Variants in GPC6 observed in about 807,000 individuals in gnomAD.
The protein encoded by GPC6 is glypican 6.
A neutral mutation model predicts 55.2 loss-of-function variants in GPC6; 14 were observed. That is an observed-to-expected ratio of 0.25 (90% CI 0.17 to 0.40). The LOEUF (loss-of-function observed/expected upper bound fraction) is 0.40. Among genes scored for constraint, GPC6 ranks in the 10% least tolerant of loss-of-function variants. The pLI is 1.00. For missense variants in GPC6, 641 were observed against 708.5 expected, an observed-to-expected ratio of 0.90 and a Z score of 1.08; for synonymous variants, 278 against 259.6, an observed-to-expected ratio of 1.07 and a Z score of -0.68.
chr13:94,269,985 A>G (rs989878671), intron 4 of GPC6, among the ~76,000 whole-genome samples: 1 of 152,208 alleles, frequency 6.6e-6, no homozygotes, highest in African/African-American at 2.4e-5. Context: ...AAACCCCTTT[A>G]TGATTGCAAG....
At chr13:93,466,710 AT>A (rs1291544365) in intron 1 of GPC6, among the ~76,000 whole-genome samples, 4 of 152,204 alleles carry the variant, frequency 2.6e-5, no homozygotes, top group Non-Finnish European at 5.9e-5. Flanking sequence ...CTAGTATATA[AT>A]TTGGCATGTG....
At chr13:94,169,419 A>T (rs1445120968) in intron 4 of GPC6, among the ~76,000 whole-genome samples, 1 of 152,204 alleles carries the variant, frequency 6.6e-6, no homozygotes, top group Admixed American at 6.5e-5. Context: ...GGTGGTATTT[A>T]GAATGCCGAA....
intron 2 of GPC6, among the ~76,000 whole-genome samples, chr13:93,583,021 C>T (rs1054052017): frequency 6.6e-6 from 1 of 152,196 alleles, no homozygotes; most frequent in Non-Finnish European, 1.5e-5. Context: ...GTAAAAGGCT[C>T]TAACACAGTC....
At chr13:94,091,310 T>A (rs6492692) in intron 4 of GPC6, among the ~76,000 whole-genome samples, 120,502 of 151,968 alleles carry the variant, frequency 0.79, 48,105 homozygotes, top group South Asian at 0.88. Flanking sequence ...GGATATAAAC[T>A]TGCAACTTGG....
intron 2 of GPC6, among the ~76,000 whole-genome samples, chr13:93,676,120 AAAAAAAATATATATATAT>A (rs1309747038): frequency 1.1e-3 from 14 of 13,302 alleles, no homozygotes; most frequent in East Asian, 6.7e-3. Context: ...AAAAAAAAAA[AAAAAAAATATATATATAT>A]ATATATATAT....
chr13:93,514,092 T>C (rs1174962019), intron 1 of GPC6, among the ~76,000 whole-genome samples: 1 of 152,038 alleles, frequency 6.6e-6, no homozygotes, highest in African/African-American at 2.4e-5. Context: ...CAGGCTGGTC[T>C]CAAACTCCTG....
chr13:93,750,749 C>T (rs959931528), intron 2 of GPC6, among the ~76,000 whole-genome samples: 7 of 152,184 alleles, frequency 4.6e-5, no homozygotes, highest in East Asian at 1.9e-4. Context: ...CCTTGTGAGG[C>T]GCATGATTTT....
intron 2 of GPC6, among the ~76,000 whole-genome samples, chr13:93,587,233 C>T (rs545330277): frequency 6.6e-6 from 1 of 151,366 alleles, no homozygotes; most frequent in East Asian, 1.9e-4. Context: ...TATTATTTAC[C>T]CCTAATAAAG....
chr13:93,662,832 A>G (rs944405821), intron 2 of GPC6, among the ~76,000 whole-genome samples: 1 of 152,132 alleles, frequency 6.6e-6, no homozygotes, highest in Admixed American at 6.5e-5. Flanking sequence ...ATAATCAATG[A>G]AATAGAAAAA....
intron 1 of GPC6, among the ~76,000 whole-genome samples, chr13:93,244,289 C>G (rs767178497): frequency 1.4e-4 from 22 of 152,178 alleles, no homozygotes; most frequent in Non-Finnish European, 3.1e-4. Context: ...CCGGCTGGGT[C>G]CCACAGTGCA....
At chr13:93,748,162 A>G (rs1332899835) in intron 2 of GPC6, among the ~76,000 whole-genome samples, 4 of 152,130 alleles carry the variant, frequency 2.6e-5, no homozygotes, top group African/African-American at 9.7e-5. Context: ...CAACGATACT[A>G]TTCTTTTGTT....
chr13:94,232,035 G>T (rs1890744980), intron 4 of GPC6, among the ~76,000 whole-genome samples: 1 of 152,192 alleles, frequency 6.6e-6, no homozygotes, highest in Non-Finnish European at 1.5e-5. Context: ...AGAAGTGTTA[G>T]CTGTGGTGAA....
chr13:94,307,412 G>A (rs1361571354), intron 6 of GPC6, among the ~76,000 whole-genome samples: 1 of 152,034 alleles, frequency 6.6e-6, no homozygotes, highest in African/African-American at 2.4e-5. Flanking sequence ...GACCTGCTGG[G>A]CTCAAGTGAT....
chr13:93,856,756 G>A (rs116085819), intron 3 of GPC6, among the ~76,000 whole-genome samples: 1 of 151,644 alleles, frequency 6.6e-6, no homozygotes, highest in African/African-American at 2.4e-5. Flanking sequence ...AAAGAAATAA[G>A]CACTTTGGAG....
At chr13:94,005,857 C>T (rs1214693310) in intron 3 of GPC6, among the ~76,000 whole-genome samples, 1 of 152,074 alleles carries the variant, frequency 6.6e-6, no homozygotes, top group Non-Finnish European at 1.5e-5. Context: ...TTTCTGAGGG[C>T]ATGATTTATT....
At chr13:93,573,639 G>C (rs949011557) in intron 2 of GPC6, among the ~76,000 whole-genome samples, 1 of 152,112 alleles carries the variant, frequency 6.6e-6, no homozygotes, top group Non-Finnish European at 1.5e-5. Flanking sequence ...TAGGTACTGG[G>C]TAAGATTGAG....
At chr13:94,304,108 G>C (rs768758571) in intron 5 of GPC6, among the ~76,000 whole-genome samples, 13 of 152,354 alleles carry the variant, frequency 8.5e-5, no homozygotes, top group Non-Finnish European at 1.5e-4. Context: ...TTGCCAGAGG[G>C]AAGTGATTTA....
chr13:93,403,785 TC>T (rs1442891693), intron 1 of GPC6, among the ~76,000 whole-genome samples: 15 of 152,172 alleles, frequency 9.9e-5, no homozygotes, highest in African/African-American at 3.4e-4. Flanking sequence ...AATTTTTTTT[TC>T]TCTCTCTCTC....
At chr13:94,135,276 G>A (rs1887146067) in intron 4 of GPC6, among the ~76,000 whole-genome samples, 1 of 150,626 alleles carries the variant, frequency 6.6e-6, no homozygotes, top group Non-Finnish European at 1.5e-5. Context: ...AAAAGTTAAG[G>A]CAGACTGAAT....
Sources: gnomAD v4.1 joint callset for allele counts (sites outside exome capture counted in the v4.1 genomes callset) on GRCh38, gnomAD v4.1.1 for gene constraint, MANE v1.5 for transcripts, NCBI Gene and HGNC (gene_info 2026-07-23, HGNC 2026-07-21) for gene names.